Variants in MARCHF10 observed in about 807,000 individuals in gnomAD.
MARCHF10 encodes the protein membrane associated ring-CH-type finger 10.
In MARCHF10, 64 loss-of-function variants were observed where a neutral mutation model predicts 76.2. The ratio of observed to expected loss-of-function variants is 0.84; its 90% CI spans 0.69 to 1.03. The LOEUF is 1.03. Among genes scored for constraint, MARCHF10 ranks in the 50% least tolerant of loss-of-function variants. MARCHF10 has a pLI of 0.00. For synonymous variants in MARCHF10, 340 were observed against 357.5 expected (o/e 0.95, Z 0.55); for missense variants, 875 against 958.0 (o/e 0.91, Z 1.14).
chr17:62,787,984 G>A (rs1055899350), intron 3 of MARCHF10, among the ~76,000 whole-genome samples: 1 of 151,864 alleles, frequency 6.6e-6, no homozygotes, highest in Non-Finnish European at 1.5e-5. Flanking sequence ...TCATCATATT[G>A]CTATATCTAG....
chr17:62,708,676 T>C (rs1311379309), intron 9 of MARCHF10, among the ~76,000 whole-genome samples: 1 of 152,208 alleles, frequency 6.6e-6, no homozygotes, highest in Non-Finnish European at 1.5e-5. Context: ...GCCCAAGTTG[T>C]TAATGAGTGC....
intron 3 of MARCHF10, among the ~76,000 whole-genome samples, chr17:62,779,116 C>A (rs1208158838): frequency 6.6e-6 from 1 of 152,116 alleles, no homozygotes; most frequent in Non-Finnish European, 1.5e-5. Context: ...ACCCAGTGCA[C>A]CTCGAGGGCG....
rs796216511 is a variant in MARCHF10 at position 62,793,442 on chromosome 17, TCACCACCATCAC to T, written c.91-4855_91-4844del. On this transcript the variant is annotated intron_variant, in intron 2 of 10. Transcript: ENST00000311269. ...ACCTCCATCACTACCACCACAACCA[TCACCACCATCAC>T]CACCACCATCACCACCACCATCACC... Among the ~76,000 whole-genome samples the T allele has an allele frequency of 6.4e-3, 417 of 64,850 alleles. 3 individuals carry two copies. The highest frequency in any genetic ancestry group is 0.015 in the African/African-American group (223 of 14,864). 42.5% of individuals were successfully genotyped at this position (64,850 alleles called of 152,430 possible). A position where few individuals can be genotyped will look rare whatever the true frequency, so the allele number is the denominator to read the frequency against.
intron 3 of MARCHF10, among the ~76,000 whole-genome samples, chr17:62,779,593 C>T (rs765522928): frequency 6.6e-6 from 1 of 152,224 alleles, no homozygotes; most frequent in Admixed American, 6.5e-5. Flanking sequence ...CCACGGACAG[C>T]TGAGTCACCC....
intron 3 of MARCHF10, among the ~76,000 whole-genome samples, chr17:62,772,301 G>T (rs577094022): frequency 2.8e-4 from 43 of 152,264 alleles, no homozygotes; most frequent in African/African-American, 9.4e-4. Flanking sequence ...TTCTCTCTTT[G>T]TCTGTCGCCA....
chr17:62,747,002 A>T, intron 4 of MARCHF10: 1 of 1,517,066 alleles, frequency 6.6e-7, no homozygotes, highest in Non-Finnish European at 8.8e-7. Context: ...CCTTACTTTC[A>T]GCGTTTTTAA....
At position 62,705,526 on chromosome 17, in the gene MARCHF10, C is replaced by T. The variant is rs769183642; in HGVS notation, c.2371+13G>A. The T allele has an allele frequency of 1.2e-5, 20 of 1,613,960 alleles. No homozygotes were observed. Among genetic ancestry groups the T allele is most frequent in the Non-Finnish European group, 1.5e-5 (18 of 1,180,030 alleles). On this transcript the variant is annotated intron_variant, in intron 10 of 10. Transcript: ENST00000311269. ...ACACCCTCAAAATGGCAGGACTGGCCCCCAAAACCTACTTTCATTTTCCTC... is the reference window on the plus strand; with the variant it reads ...ACACCCTCAAAATGGCAGGACTGGCTCCCAAAACCTACTTTCATTTTCCTC...
intron 3 of MARCHF10, among the ~76,000 whole-genome samples, chr17:62,774,252 AG>A (rs2092504819): frequency 6.6e-6 from 1 of 152,106 alleles, no homozygotes; most frequent in Admixed American, 6.5e-5. Context: ...AGTGGGACGG[AG>A]GAGGGCACTT....
At chr17:62,749,748 G>A (rs2091831192) in intron 4 of MARCHF10, among the ~76,000 whole-genome samples, 3 of 152,176 alleles carry the variant, frequency 2.0e-5, no homozygotes, top group African/African-American at 2.4e-5. Flanking sequence ...TGTAAACATC[G>A]GCTGAGCCTT....
chr17:62,802,839 G>A (rs2093099161), intron 1 of MARCHF10, among the ~76,000 whole-genome samples: 1 of 152,192 alleles, frequency 6.6e-6, no homozygotes, highest in African/African-American at 2.4e-5. Context: ...AAGGGCTGCA[G>A]GGGAGGCAGG....
chr17:62,771,574 A>ATT (rs1207861655), intron 3 of MARCHF10, among the ~76,000 whole-genome samples: 57,819 of 126,052 alleles, frequency 0.46, 14,620 homozygotes, highest in Non-Finnish European at 0.56. Context: ...GTCAATATCT[A>ATT]TTTTTTTTTT....
At chr17:62,722,267 G>C (rs544430984) in intron 8 of MARCHF10, among the ~76,000 whole-genome samples, 1 of 120,586 alleles carries the variant, frequency 8.3e-6, no homozygotes, top group Non-Finnish European at 1.6e-5. Flanking sequence ...GACAGAGTGA[G>C]ACTCTGTCTC....
chr17:62,792,329 C>A (rs117464045), intron 2 of MARCHF10, among the ~76,000 whole-genome samples: 7 of 151,958 alleles, frequency 4.6e-5, no homozygotes, highest in Non-Finnish European at 7.4e-5. Context: ...TGACCTTGGG[C>A]GAGCTGACTA....
chr17:62,749,257 G>A (rs1401710666), intron 4 of MARCHF10, among the ~76,000 whole-genome samples: 1 of 152,188 alleles, frequency 6.6e-6, no homozygotes, highest in Non-Finnish European at 1.5e-5. Context: ...TGACAAGTGA[G>A]AACCAAGTCC....
At chr17:62,799,380 G>A in intron 2 of MARCHF10, among the ~76,000 whole-genome samples, 1 of 152,144 alleles carries the variant, frequency 6.6e-6, no homozygotes, top group Non-Finnish European at 1.5e-5. Context: ...CGCAGCCAGA[G>A]TGACCCTTAA....
chr17:62,761,781 G>A (rs908842173), intron 3 of MARCHF10, among the ~76,000 whole-genome samples: 10 of 152,092 alleles, frequency 6.6e-5, no homozygotes, highest in African/African-American at 2.4e-4. Flanking sequence ...AAGAAAATGC[G>A]GGCACATTTT....
rs147412104 is a variant in MARCHF10, at chr17:62,800,660, C to A, written c.90+986G>T. On this transcript the variant is annotated intron_variant, in intron 2 of 10. Coordinates refer to ENST00000311269, the MANE Select transcript of MARCHF10 (RefSeq NM_152598.4). ...TTCTGTGTTTTCCTCAGGGAAGGAG[C>A]GCTTTTCAATCCTCAGCCCAGGCTG... Among the ~76,000 whole-genome samples the A allele has an allele frequency of 2.2e-3, 328 of 152,268 alleles. 1 individual carries two copies. Among genetic ancestry groups the A allele is most frequent in the African/African-American group, 7.6e-3 (314 of 41,552 alleles).
rs536555373 is a variant in MARCHF10, at chr17:62,701,580, A to G, written c.*123T>C. ...CAAAAGAGAGTGGCACGAGGTGAAA[A>G]TCTAACTGTGAACGCTTTGGTTTCA... On this transcript the variant is annotated 3_prime_UTR_variant, in exon 11 of 11. Coordinates refer to ENST00000311269, the MANE Select transcript of MARCHF10 (RefSeq NM_152598.4). 1.0e-4 allele frequency: 158 copies of G among 1,587,148 alleles called. 1 individual carries two copies. The Middle Eastern group carries it at 1.2e-3, about 12-fold the overall frequency.
intron 2 of MARCHF10, among the ~76,000 whole-genome samples, chr17:62,789,659 G>A (rs114610722): frequency 1.3e-3 from 195 of 152,232 alleles, no homozygotes; most frequent in African/African-American, 4.6e-3. Context: ...CAGCTGGCCA[G>A]GTGCCCAGAG....
Sources: allele counts gnomAD v4.1 joint callset (sites outside exome capture counted in the v4.1 genomes callset), GRCh38; gene constraint gnomAD v4.1.1; transcripts MANE v1.5; gene names NCBI Gene and HGNC (gene_info 2026-07-23, HGNC 2026-07-21).